Variants in GRIN1 observed in about 807,000 individuals in gnomAD.
GRIN1 encodes glutamate receptor ionotropic, NMDA 1.
In GRIN1, 38 loss-of-function variants were observed where a neutral mutation model predicts 103.0. The observed-to-expected ratio is 0.37, with a 90% CI of 0.28 to 0.48. The LOEUF (loss-of-function observed/expected upper bound fraction) is 0.48. Ranked by LOEUF, GRIN1 falls within the 20% of genes least tolerant of loss-of-function variation. The probability of loss-of-function intolerance (pLI) is 0.98; values close to 1 mark genes in which losing one functional copy is unlikely to be tolerated. For synonymous variants in GRIN1, 544 were observed against 532.7 expected, an observed-to-expected ratio of 1.02 and a Z score of -0.29; for missense variants, 577 against 1,288.9, an observed-to-expected ratio of 0.45 and a Z score of 8.46.
intron 4 of GRIN1, among the ~76,000 whole-genome samples, chr9:137,151,791 G>A (rs1161488327): frequency 4.1e-5 from 6 of 148,016 alleles, no homozygotes; most frequent in African/African-American, 1.0e-4. Context: ...TCAGCCTCCC[G>A]AGTAGCTGGG....
At chr9:137,149,137 C>A in intron 4 of GRIN1, 28 bp downstream of exon 4, 1 of 1,432,672 alleles carries the variant, frequency 7.0e-7, no homozygotes, top group Non-Finnish European at 9.7e-7. Context: ...CCTACACACT[C>A]CACACAGGAT....
At chr9:137,150,026 G>A (rs1368767697) in intron 4 of GRIN1, among the ~76,000 whole-genome samples, 3 of 152,180 alleles carry the variant, frequency 2.0e-5, no homozygotes, top group South Asian at 4.1e-4. Flanking sequence ...GGGCTCCTCG[G>A]ACTAGAAGGC....
chr9:137,164,612 C>T (rs1833765135), intron 18 of GRIN1: 1 of 177,476 alleles, frequency 5.6e-6, no homozygotes, highest in African/African-American at 2.4e-5. Flanking sequence ...CTCCACACCT[C>T]TCATCCGCCC....
rs1833639207 is a variant in GRIN1 at position 137,162,976 on chromosome 9, C to T, written c.2144C>T (p.Ala715Val). 1.2e-6 allele frequency: 2 copies of T among 1,603,040 alleles called. No homozygotes were observed. The highest frequency in any genetic ancestry group is 1.7e-6 in the Non-Finnish European group (2 of 1,175,854). The change falls in exon 15 of 20, where the codon GCG (alanine) becomes GTG (valine). Residue 715 changes from alanine (A) to valine (V), a missense_variant. Ala to Val is a moderately conservative substitution (Grantham distance 64). Around this residue, in one of 9 missense-constraint regions of GRIN1, gnomAD observed 59 missense variants for 161.3 expected, o/e 0.37. Transcript: ENST00000371561. ...GAGAAGCACAACTACGAGAGTGCGG[C>T]GGAGGCCATCCAGGCCGTGAGAGAC... ...HMEKHNYESA[A>V]EAIQAVRDNK...
intron 11 of GRIN1, 37 bp downstream of exon 11, chr9:137,162,125 G>T: frequency 1.3e-6 from 2 of 1,529,838 alleles, no homozygotes; most frequent in Non-Finnish European, 1.8e-6. Flanking sequence ...GCGGCGGGGG[G>T]AGTCCCTGGA....
chr9:137,167,462 C>T lies in GRIN1; in HGVS notation c.2752C>T (p.Pro918Ser). The T allele has an allele frequency of 6.4e-7, 1 of 1,559,672 alleles. No homozygotes were observed. The change falls in exon 20 of 20, where the codon CCG becomes TCG. Residue 918 changes from proline to serine, a missense_variant. Around this residue, in one of 9 missense-constraint regions of GRIN1, gnomAD observed 68 missense variants for 113.0 expected, o/e 0.60. Transcript: ENST00000371561. ...GCAAAACCAAAAAGACACAGTGCTGCCGCGACGCGCTATTGAGAGGGAGGA... is the reference window on the plus strand; with the variant it reads ...GCAAAACCAAAAAGACACAGTGCTGTCGCGACGCGCTATTGAGAGGGAGGA... Reference protein sequence around the residue: ...ALQNQKDTVLPRRAIEREEGQ... With the variant: ...ALQNQKDTVLSRRAIEREEGQ...
intron 8 of GRIN1, 56 bp from the exon 9 acceptor site, chr9:137,161,000 C>A: frequency 6.2e-7 from 1 of 1,609,600 alleles, no homozygotes; most frequent in Non-Finnish European, 8.5e-7. Context: ...GAAGAGACTG[C>A]CGCCCTGGGC....
At chr9:137,162,566 G>A in intron 13 of GRIN1, 25 bp from the exon 14 acceptor site, 4 of 1,611,322 alleles carry the variant, frequency 2.5e-6, no homozygotes, top group Non-Finnish European at 3.4e-6. Flanking sequence ...TCTAGGGTCT[G>A]ACAGAGCCCC....
Position 137,162,449 on chromosome 9 carries a change from C to G in GRIN1, c.1797C>G (p.Asp599Glu). The G allele has an allele frequency of 1.2e-6, 2 of 1,610,696 alleles. No homozygotes were observed. The highest frequency in any genetic ancestry group is 1.7e-6 in the Non-Finnish European group (2 of 1,179,772). Reference protein sequence around the residue: ...FKVNSEEEEEDALTLSSAMWF... With the variant: ...FKVNSEEEEEEALTLSSAMWF... ...TGAACAGCGAGGAGGAGGAGGAGGA[C>G]GCACTGACCCTGTCCTCGGCCATGT... is the stretch of plus-strand genomic sequence containing the variant. The change falls in exon 13 of 20, where the codon GAC becomes GAG. Residue 599 changes from aspartate (D) to glutamate (E), a missense_variant. Coordinates refer to ENST00000371561, the MANE Select transcript of GRIN1 (RefSeq NM_007327.4).
chr9:137,163,850 G>C lies in GRIN1; in HGVS notation c.2535G>C (p.Arg845=), dbSNP rs1325040501. 1 of 1,613,112 alleles carries C rather than the reference G, an allele frequency of 6.2e-7. No homozygotes were observed. Among genetic ancestry groups the C allele is most frequent in the Non-Finnish European group, 8.5e-7 (1 of 1,179,994 alleles). The part of the protein sequence containing the change: ...IAYKRHKDAR[R]KQMQLAFAAV... ...ACAAGCGGCACAAGGATGCTCGCCG[G>C]AAGCAGATGCAGCTGGCCTTTGCCG... Residue 845 remains arginine, a synonymous_variant, in exon 18 of 20, where the codon CGG becomes CGC. Transcript: ENST00000371561.
chr9:137,147,422 GTGCACAGGCACACACATGCACACA>G (rs1194125368), intron 3 of GRIN1, among the ~76,000 whole-genome samples: 8 of 151,594 alleles, frequency 5.3e-5, no homozygotes, highest in Admixed American at 2.6e-4. Flanking sequence ...ACGCACACAC[GTGCACAGGCACACACATGCACACA>G]TGCACACGCA....
chr9:137,147,167 A>G (rs1311827453), intron 3 of GRIN1, among the ~76,000 whole-genome samples: 2 of 150,744 alleles, frequency 1.3e-5, no homozygotes, highest in Admixed American at 6.6e-5. Flanking sequence ...GCCTGCTTTC[A>G]CTCACAGGTG....
chr9:137,164,029 G>T (rs1346301898), intron 18 of GRIN1, 125 bp downstream of exon 18: 1 of 1,182,648 alleles, frequency 8.5e-7, no homozygotes. Context: ...AGGAGCCATG[G>T]CCAGGGGCAG....
chr9:137,153,826 G>T (rs1005298134), intron 4 of GRIN1, among the ~76,000 whole-genome samples: 1 of 152,092 alleles, frequency 6.6e-6, no homozygotes, highest in East Asian at 1.9e-4. Flanking sequence ...TCTCTTTTTT[G>T]GGGAGATAGA....
At chr9:137,164,014 G>C (rs766249568) in intron 18 of GRIN1, 110 bp downstream of exon 18, 1 of 1,312,536 alleles carries the variant, frequency 7.6e-7, no homozygotes, top group Non-Finnish European at 1.1e-6. Context: ...GGCAGGACTG[G>C]AGCTAGGAGC....
chr9:137,149,709 T>C (rs1280560633), intron 4 of GRIN1, among the ~76,000 whole-genome samples: 4 of 152,116 alleles, frequency 2.6e-5, no homozygotes, highest in African/African-American at 9.7e-5. Context: ...AGGAAAAGCC[T>C]GGGTGACTGG....
chr9:137,153,558 A>G (rs574639826), intron 4 of GRIN1, among the ~76,000 whole-genome samples: 18 of 152,338 alleles, frequency 1.2e-4, no homozygotes, highest in African/African-American at 4.1e-4. Flanking sequence ...CACCATGCAT[A>G]CACCATACAC....
At chr9:137,164,483 C>A (rs944070520) in intron 18 of GRIN1, 1 of 174,976 alleles carries the variant, frequency 5.7e-6, no homozygotes, top group Admixed American at 5.5e-5. Context: ...TCGTGGCCCG[C>A]GGTCGAGTTC....
At chr9:137,144,062 A>G (rs1832322635) in intron 2 of GRIN1, among the ~76,000 whole-genome samples, 1 of 151,876 alleles carries the variant, frequency 6.6e-6, no homozygotes, top group Non-Finnish European at 1.5e-5. Flanking sequence ...ATTTGGGAGG[A>G]CTCTATGGGC....
Sources: gnomAD v4.1 joint callset for allele counts (sites outside exome capture counted in the v4.1 genomes callset) on GRCh38, gnomAD v4.1.1 for gene constraint, gnomAD v4.1.1 regional missense constraint, MANE v1.5 for transcripts, NCBI Gene and HGNC (gene_info 2026-07-23, HGNC 2026-07-21) for gene names.